Variants in RILPL1 observed in about 807,000 individuals in gnomAD.
The protein encoded by RILPL1 is RILP-like protein 1.
Under a neutral mutation model 50.3 loss-of-function variants are expected in RILPL1, and 33 were observed. The ratio of observed to expected loss-of-function variants is 0.66; its 90% CI spans 0.50 to 0.88. RILPL1 has a LOEUF of 0.88. RILPL1 is among the 40% of genes least tolerant of loss of function. The pLI is 0.00. For missense variants in RILPL1, 418 were observed against 542.5 expected, an observed-to-expected ratio of 0.77 and a Z score of 2.28; for synonymous variants, 205 against 228.6, an observed-to-expected ratio of 0.90 and a Z score of 0.93.
In RILPL1 at chr12:123,470,473, C is replaced by T. The variant is rs1043405482; in HGVS notation, c.*2065G>A. The T allele has an allele frequency of 1.7e-4, 15 of 86,162 alleles. No individual in the cohort carries two copies. The highest frequency in any genetic ancestry group is 5.3e-4 in the African/African-American group (13 of 24,318). 5.3% of individuals were successfully genotyped at this position (86,162 alleles called of 1,614,324 possible). On this transcript the variant is annotated 3_prime_UTR_variant, in exon 7 of 7. Transcript: ENST00000376874. ...AGGTGACAGAGTGAGACCCTGTGTC[C>T]AAAAAAAAAAAAAAAAAAAAGGCCA...
At chr12:123,500,418 G>C (rs1883305861) in intron 2 of RILPL1, among the ~76,000 whole-genome samples, 1 of 151,160 alleles carries the variant, frequency 6.6e-6, no homozygotes, top group African/African-American at 2.4e-5. Flanking sequence ...CAAGTAGCTC[G>C]AGGCAACAGA....
At chr12:123,524,090 T>G (rs1360293413) in intron 1 of RILPL1, among the ~76,000 whole-genome samples, 2 of 152,228 alleles carry the variant, frequency 1.3e-5, no homozygotes. Context: ...CGGGGCCCCC[T>G]GCCCCAGCGT....
chr12:123,485,032 G>T lies in RILPL1; in HGVS notation c.974+601C>A, dbSNP rs1040700954. ...AAATGTGTGGTATTATATTTTTTAT[G>T]CATCTCTTATCTTCCCCACTGGAGC... On this transcript the variant is annotated intron_variant, in intron 5 of 6. Coordinates refer to ENST00000376874, the MANE Select transcript of RILPL1 (RefSeq NM_178314.5). This position sits in a 1 kb window ranked among gnomAD's most constrained non-coding sequence, Gnocchi z 4.0. 4.1e-5 allele frequency: 17 copies of T among 412,914 alleles called. No homozygotes were observed. Among genetic ancestry groups the T allele is most frequent in the African/African-American group, 2.9e-4 (14 of 48,080 alleles). The allele number at this position is 412,914 out of a possible 1,614,324, so 25.6% of individuals were successfully genotyped here.
Position 123,491,666 on chromosome 12 carries a change from C to A in RILPL1, c.802-5861G>T, listed in dbSNP as rs1021074242. Among the ~76,000 whole-genome samples the A allele has an allele frequency of 2.0e-5, 3 of 152,202 alleles. No individual in the cohort carries two copies. Among genetic ancestry groups the A allele is most frequent in the Admixed American group, 6.5e-5 (1 of 15,278 alleles). On this transcript the variant is annotated intron_variant, in intron 4 of 6. Transcript: ENST00000376874. This position sits in a 1 kb window ranked among gnomAD's most constrained non-coding sequence, Gnocchi z 4.0. ...GCCAGCATACGCCTGTCTGCTTTCC[C>A]TATGCAGGCAGCCCGCACTTTACAA...
chr12:123,492,520 G>A lies in RILPL1; in HGVS notation c.801+6024C>T, dbSNP rs189052714. Among the ~76,000 whole-genome samples, 321 of 152,270 alleles carry A rather than the reference G, an allele frequency of 2.1e-3. 3 individuals carry two copies. The highest frequency in any genetic ancestry group is 0.021 in the South Asian group (99 of 4,826). On this transcript the variant is annotated intron_variant, in intron 4 of 6. Coordinates refer to ENST00000376874, the MANE Select transcript of RILPL1 (RefSeq NM_178314.5). The stretch of plus-strand genomic sequence containing the variant: ...GTGATGAGGACACAATAGCTGAAGT[G>A]CATGGCATATGAATTACATCTCAAT...
chr12:123,516,725 G>A (rs539686517), intron 2 of RILPL1, among the ~76,000 whole-genome samples: 1 of 152,278 alleles, frequency 6.6e-6, no homozygotes, highest in Non-Finnish European at 1.5e-5. Context: ...TGGATGAGGG[G>A]GGATGAGGGG....
At chr12:123,512,408 GTGTGTGTGTGGTGTGTCTGAGGTC>G (rs1345902547) in intron 2 of RILPL1, among the ~76,000 whole-genome samples, 8 of 141,652 alleles carry the variant, frequency 5.6e-5, no homozygotes, top group African/African-American at 2.1e-4. Context: ...TGTGAGGTCT[GTGTGTGTGTGGTGTGTCTGAGGTC>G]TGTGTGTGTG....
intron 6 of RILPL1, chr12:123,473,628 C>G (rs1881367568): frequency 6.6e-6 from 1 of 151,888 alleles, no homozygotes; most frequent in African/African-American, 2.4e-5. Context: ...TGGTGAAAGC[C>G]TTTAGGCCGT....
rs947677280 is a variant in RILPL1, at chr12:123,492,904, G to C, written c.801+5640C>G. On this transcript the variant is annotated intron_variant, in intron 4 of 6. Transcript: ENST00000376874. The stretch of plus-strand genomic sequence containing the variant: ...TCCCAGAGACACAAACACTGCGGAA[G>C]GCCACAGGGACTTCTGCCTAGGAAA... 2.0e-5 allele frequency among the ~76,000 whole-genome samples: 3 copies of C among 152,182 alleles called. 1 individual carries two copies. The highest frequency in any genetic ancestry group is 4.1e-4 in the South Asian group (2 of 4,824).
rs1472166318 is a variant in RILPL1 at position 123,533,433 on chromosome 12, T to C, written c.50A>G (p.Lys17Arg). The C allele has an allele frequency of 3.2e-6, 5 of 1,539,608 alleles. No individual in the cohort carries two copies. Among genetic ancestry groups the C allele is most frequent in the Admixed American group, 2.0e-5 (1 of 50,896 alleles). ...CATGACGGTCAGCTCGGCCACGTTC[T>C]TCTCCAGCGCCGACTCGGCCGCCAG... The part of the protein sequence containing the change: ...SALAAESALE[K>R]NVAELTVMDV... Residue 17 changes from lysine to arginine, a missense_variant, in exon 1 of 7, where the codon AAG (lysine) becomes AGG (arginine). Coordinates refer to ENST00000376874, the MANE Select transcript of RILPL1 (RefSeq NM_178314.5). The surrounding 1 kb of genome is among the most constrained non-coding windows in gnomAD (Gnocchi z 6.2).
chr12:123,510,285 A>G (rs1593580424), intron 2 of RILPL1, among the ~76,000 whole-genome samples: 2 of 152,130 alleles, frequency 1.3e-5, no homozygotes, highest in East Asian at 3.8e-4. Flanking sequence ...GCTGCAGAGC[A>G]GTGCTGGGTT....
intron 2 of RILPL1, among the ~76,000 whole-genome samples, chr12:123,517,072 C>G (rs2139375163): frequency 6.6e-6 from 1 of 151,970 alleles, no homozygotes; most frequent in East Asian, 1.9e-4. Flanking sequence ...TGTCTCAAAA[C>G]AAAAAACAAA....
intron 1 of RILPL1, 108 bp from the exon 2 acceptor site, chr12:123,523,753 C>A (rs180831431): frequency 1.5e-6 from 2 of 1,325,064 alleles, no homozygotes; most frequent in African/African-American, 1.5e-5. Flanking sequence ...GGGCCATCCC[C>A]TTCCTCGTGA....
intron 2 of RILPL1, among the ~76,000 whole-genome samples, chr12:123,512,226 G>A (rs1453678226): frequency 1.0e-4 from 14 of 139,626 alleles, no homozygotes; most frequent in Admixed American, 9.4e-4. Context: ...TGTGTGTGGT[G>A]TGTGTGTGGT....
intron 6 of RILPL1, among the ~76,000 whole-genome samples, chr12:123,480,401 A>C (rs1409673683): frequency 1.3e-5 from 2 of 151,888 alleles, no homozygotes; most frequent in Non-Finnish European, 2.9e-5. Context: ...TGACCTTGTG[A>C]TCCACCTGCC....
In RILPL1 at chr12:123,491,529, CA is replaced by C. The variant is rs1209107892; in HGVS notation, c.802-5725del. ...CTGCCCTCCCACGGCAGCCCCTTCA[CA>C]GTACTTCTCAGCAGCCCCTGGCCCA... is the stretch of plus-strand genomic sequence containing the variant. On this transcript the variant is annotated intron_variant, in intron 4 of 6. Coordinates refer to ENST00000376874, the MANE Select transcript of RILPL1 (RefSeq NM_178314.5). The surrounding 1 kb of genome is among the most constrained non-coding windows in gnomAD (Gnocchi z 4.0). Among the ~76,000 whole-genome samples the C allele has an allele frequency of 2.0e-5, 3 of 152,200 alleles. No individual in the cohort carries two copies. Among genetic ancestry groups the C allele is most frequent in the African/African-American group, 7.2e-5 (3 of 41,452 alleles).
intron 4 of RILPL1, among the ~76,000 whole-genome samples, chr12:123,486,743 G>A (rs760499838): frequency 3.4e-4 from 51 of 150,422 alleles, no homozygotes; most frequent in Non-Finnish European, 4.9e-4. Context: ...GGCTTCAAGC[G>A]ATTCTTGTGC....
intron 6 of RILPL1, chr12:123,473,320 GC>G (rs71088916): frequency 0.52 from 78,264 of 151,946 alleles, 22,704 homozygotes; most frequent in East Asian, 0.99. Context: ...TTCGAGACCA[GC>G]CTGGCCAACG....
At chr12:123,475,651 C>T in intron 6 of RILPL1, 1 of 1,563,794 alleles carries the variant, frequency 6.4e-7, no homozygotes, top group South Asian at 1.1e-5. Flanking sequence ...CCAAAACACA[C>T]ACAGTGCCTA....
Sources: gnomAD v4.1 joint callset for allele counts (sites outside exome capture counted in the v4.1 genomes callset) on GRCh38, gnomAD v4.1.1 for gene constraint, Gnocchi (gnomAD v3.1) non-coding constraint, MANE v1.5 for transcripts, NCBI Gene and HGNC (gene_info 2026-07-23, HGNC 2026-07-21) for gene names.